The following ACTR5 variants were observed in gnomAD, a reference collection of about 807,000 sequenced individuals.
ACTR5 encodes actin related protein 5.
In ACTR5, 43 loss-of-function variants were observed where a neutral mutation model predicts 61.2. The observed-to-expected ratio is 0.70, with a 90% CI of 0.55 to 0.91. ACTR5 has a LOEUF of 0.91. Ranked by LOEUF, ACTR5 falls within the 40% of genes least tolerant of loss-of-function variation. The pLI is 0.00. For missense variants in ACTR5, 798 were observed against 782.2 expected (o/e 1.02, Z -0.24); for synonymous variants, 333 against 310.5 (o/e 1.07, Z -0.76).
At chr20:38,760,854 T>C (rs567090929) in intron 5 of ACTR5, among the ~76,000 whole-genome samples, 5 of 152,256 alleles carry the variant, frequency 3.3e-5, no homozygotes, top group African/African-American at 1.2e-4. Context: ...CCTTTTTTTT[T>C]TCTTTTTTTT....
rs370704614 is a variant in ACTR5, at chr20:38,748,758, C to T, written c.280C>T (p.Leu94=). 5 of 1,601,208 alleles carry T rather than the reference C, an allele frequency of 3.1e-6. No individual in the cohort carries two copies. Among genetic ancestry groups the T allele is most frequent in the African/African-American group, 1.3e-5 (1 of 74,330 alleles). The stretch of plus-strand genomic sequence containing the variant: ...CAGCCTGGAGCCACTGCGCTGGATG[C>T]TGCGCTCGCCCTTCGACCGCAACGT... The part of the protein sequence containing the change: ...LGSLEPLRWM[L]RSPFDRNVPV... Residue 94 remains leucine, a synonymous_variant, in exon 1 of 9, where the codon CTG becomes TTG. Transcript: ENST00000243903.
chr20:38,766,773 T>TA (rs756105283), intron 7 of ACTR5, among the ~76,000 whole-genome samples: 3 of 152,234 alleles, frequency 2.0e-5, no homozygotes, highest in Non-Finnish European at 4.4e-5. Flanking sequence ...ATTTAAGAGT[T>TA]ACATTTCCAT....
chr20:38,768,620 G>C (rs900553610), intron 8 of ACTR5, among the ~76,000 whole-genome samples: 1 of 152,164 alleles, frequency 6.6e-6, no homozygotes, highest in African/African-American at 2.4e-5. Context: ...GGCACCCCCT[G>C]CTTGGAGCAT....
intron 5 of ACTR5, among the ~76,000 whole-genome samples, chr20:38,756,460 A>AT (rs1261106106): frequency 6.6e-6 from 1 of 152,150 alleles, no homozygotes; most frequent in African/African-American, 2.4e-5. Flanking sequence ...TGATTTATGA[A>AT]TTTTTTACAG....
At chr20:38,761,417 A>G (rs923549473) in intron 5 of ACTR5, 1 of 152,240 alleles carries the variant, frequency 6.6e-6, no homozygotes, top group Non-Finnish European at 1.5e-5. Context: ...GCAGTAAGAG[A>G]TAAAGGAAGC....
chr20:38,756,904 CAAAAAA>C (rs988170359), intron 5 of ACTR5, among the ~76,000 whole-genome samples: 1 of 151,710 alleles, frequency 6.6e-6, no homozygotes, highest in Non-Finnish European at 1.5e-5. Context: ...AACTCCATCT[CAAAAAA>C]AATAAATAAA....
chr20:38,754,048 C>G lies in ACTR5; in HGVS notation c.776-909C>G, dbSNP rs1034729122. Among the ~76,000 whole-genome samples the G allele has an allele frequency of 2.4e-4, 37 of 152,108 alleles. 1 individual carries two copies. The highest frequency in any genetic ancestry group is 1.0e-4 in the Non-Finnish European group (7 of 68,012). ...GGAAATGTTAGCAATGTACAGACTC[C>G]TTTATTTCGCCCGGTTTATCTTAAA... On this transcript the variant is annotated intron_variant, in intron 3 of 8. Transcript: ENST00000243903.
intron 3 of ACTR5, among the ~76,000 whole-genome samples, chr20:38,753,040 C>T (rs562519244): frequency 6.6e-6 from 1 of 152,024 alleles, no homozygotes; most frequent in Non-Finnish European, 1.5e-5. Context: ...TATTAAACAT[C>T]TGTTATTCCT....
Position 38,748,701 on chromosome 20 carries a change from G to A in ACTR5, c.223G>A (p.Ala75Thr), listed in dbSNP as rs1601191075. ...CARGRGGARG[A>T]SGPQVGNALG... Reference sequence around the variant, plus strand: ...CCGCGGTCGTGGCGGGGCACGGGGCGCGTCGGGCCCGCAGGTGGGGAACGC... The same window carrying A: ...CCGCGGTCGTGGCGGGGCACGGGGCACGTCGGGCCCGCAGGTGGGGAACGC... Residue 75 changes from alanine to threonine, a missense_variant, in exon 1 of 9, where the codon GCG becomes ACG. Transcript: ENST00000243903. The A allele has an allele frequency of 1.3e-6, 2 of 1,524,590 alleles. No homozygotes were observed. Among genetic ancestry groups the A allele is most frequent in the Non-Finnish European group, 1.8e-6 (2 of 1,137,636 alleles). 94.4% of individuals were successfully genotyped at this position (1,524,590 alleles called of 1,614,324 possible). A position where few individuals can be genotyped will look rare whatever the true frequency, so the allele number is the denominator to read the frequency against.
intron 4 of ACTR5, among the ~76,000 whole-genome samples, chr20:38,755,633 T>C (rs1485165747): frequency 6.6e-6 from 1 of 150,590 alleles, no homozygotes; most frequent in African/African-American, 2.4e-5. Context: ...CTTTTAGACA[T>C]CTGTCACCAT....
intron 5 of ACTR5, among the ~76,000 whole-genome samples, chr20:38,758,520 G>A (rs1447795157): frequency 6.6e-6 from 1 of 152,020 alleles, no homozygotes; most frequent in African/African-American, 2.4e-5. Context: ...CGGGGCAGGC[G>A]CCTGTAATCC....
intron 8 of ACTR5, among the ~76,000 whole-genome samples, chr20:38,769,544 C>G (rs114805297): frequency 6.6e-6 from 1 of 152,094 alleles, no homozygotes; most frequent in Non-Finnish European, 1.5e-5. Flanking sequence ...ATTCACTGAA[C>G]GAGGAGCCGC....
intron 7 of ACTR5, 59 bp from the exon 8 acceptor site, chr20:38,767,405 C>T (rs1016823734): frequency 5.5e-6 from 8 of 1,454,554 alleles, no homozygotes; most frequent in Non-Finnish European, 7.4e-6. Flanking sequence ...ATTTCTGCAT[C>T]CACATTTCGT....
chr20:38,758,106 A>G (rs995017476), intron 5 of ACTR5, among the ~76,000 whole-genome samples: 3 of 143,970 alleles, frequency 2.1e-5, no homozygotes, highest in East Asian at 2.2e-4. Flanking sequence ...TCAAAAAGGG[A>G]AAAAAAACCA....
chr20:38,750,144 C>G lies in ACTR5; in HGVS notation c.510C>G (p.Ser170Arg). 6.2e-7 allele frequency: 1 copy of G among 1,614,212 alleles called. No individual in the cohort carries two copies. The highest frequency in any genetic ancestry group is 8.5e-7 in the Non-Finnish European group (1 of 1,180,026). Residue 170 changes from serine to arginine, a missense_variant, in exon 2 of 9, where the codon AGC becomes AGG. Transcript: ENST00000243903. ...CCTATGGAATAGACAGCCTCTTCAG[C>G]TTCTACCACAATAAGCCAAAGAACT... ...KVAYGIDSLF[S>R]FYHNKPKNSM...
intron 8 of ACTR5, among the ~76,000 whole-genome samples, chr20:38,770,038 T>C (rs1014821435): frequency 1.3e-5 from 2 of 152,240 alleles, no homozygotes; most frequent in Non-Finnish European, 2.9e-5. Flanking sequence ...GGTTGTGGAA[T>C]GCTGCTACCA....
chr20:38,769,878 G>C (rs574062245), intron 8 of ACTR5, among the ~76,000 whole-genome samples: 12 of 152,284 alleles, frequency 7.9e-5, no homozygotes, highest in African/African-American at 2.9e-4. Context: ...CTGAAGCCAG[G>C]GGGTGACAGT....
intron 8 of ACTR5, among the ~76,000 whole-genome samples, chr20:38,769,525 G>C (rs1056891429): frequency 2.0e-5 from 3 of 152,226 alleles, no homozygotes; most frequent in African/African-American, 7.2e-5. Context: ...CTAGTTTGCT[G>C]ATTAAGAGAT....
At chr20:38,766,422 T>C in intron 7 of ACTR5, 45 bp downstream of exon 7, 1 of 1,537,094 alleles carries the variant, frequency 6.5e-7, no homozygotes, top group East Asian at 2.3e-5. Context: ...CTGAACCATT[T>C]CCTTGGATTT....
Sources: gnomAD v4.1 joint callset for allele counts (sites outside exome capture counted in the v4.1 genomes callset) on GRCh38, gnomAD v4.1.1 for gene constraint, MANE v1.5 for transcripts, NCBI Gene and HGNC (gene_info 2026-07-23, HGNC 2026-07-21) for gene names.